Variants in LIPA observed in about 807,000 individuals in gnomAD.
The protein encoded by LIPA is lipase A, lysosomal acid type, also known as lysosomal acid lipase/cholesteryl ester hydrolase.
In LIPA, 26 loss-of-function variants were observed where a neutral mutation model predicts 40.6. The ratio of observed to expected loss-of-function variants is 0.64; its 90% CI spans 0.47 to 0.89. The LOEUF is 0.89. Among genes scored for constraint, LIPA ranks in the 40% least tolerant of loss-of-function variants. The pLI, the probability that LIPA is intolerant of heterozygous loss-of-function variation, is 0.00. For missense variants in LIPA, 455 were observed against 479.6 expected (o/e 0.95, Z 0.48); for synonymous variants, 188 against 168.4 (o/e 1.12, Z -0.90).
Position 89,396,616 on chromosome 10 carries a change from T to C in LIPA, c.61+16175A>G, listed in dbSNP as rs117890701. On this transcript the variant is annotated intron_variant, in intron 2 of 8. Coordinates refer to the LIPA transcript ENST00000371837. ...ATTCACGAGAGACCTACCTCTATGATCCAAACACATCCCACTAGACCCTAC... is the reference window on the plus strand; with the variant it reads ...ATTCACGAGAGACCTACCTCTATGACCCAAACACATCCCACTAGACCCTAC... Among the ~76,000 whole-genome samples the C allele has an allele frequency of 9.5e-3, 1,446 of 152,298 alleles. 12 individuals carry two copies. Among genetic ancestry groups the C allele is most frequent in the Middle Eastern group, 0.017 (5 of 294 alleles).
At chr10:89,285,527 G>T (rs1843337036) in intron 1 of LIPA, among the ~76,000 whole-genome samples, 1 of 152,134 alleles carries the variant, frequency 6.6e-6, no homozygotes, top group Non-Finnish European at 1.5e-5. Context: ...TTTCATTGGT[G>T]TCTGATCACC....
intron 3 of LIPA, among the ~76,000 whole-genome samples, chr10:89,245,129 A>T (rs2246942): frequency 6.6e-6 from 1 of 151,996 alleles, no homozygotes; most frequent in South Asian, 2.1e-4. Flanking sequence ...TAAAAAATTC[A>T]AAGAACAAAA....
intron 2 of LIPA, among the ~76,000 whole-genome samples, chr10:89,390,077 C>T (rs1844235274): frequency 6.6e-6 from 1 of 151,020 alleles, no homozygotes; most frequent in African/African-American, 2.4e-5. Flanking sequence ...ACCTCCACCT[C>T]CCGGGTTCAA....
intron 1 of LIPA, among the ~76,000 whole-genome samples, chr10:89,326,163 A>G (rs1308944789): frequency 6.6e-6 from 1 of 152,236 alleles, no homozygotes; most frequent in Non-Finnish European, 1.5e-5. Flanking sequence ...CACTATTCAC[A>G]ATAGCCAAGA....
chr10:89,405,237 C>T (rs370267848), intron 2 of LIPA: 2 of 152,092 alleles, frequency 1.3e-5, no homozygotes, highest in Admixed American at 6.5e-5. Context: ...TGAAGCACTA[C>T]TTACTAAGTC....
chr10:89,386,228 A>C (rs1844209445), intron 2 of LIPA, among the ~76,000 whole-genome samples: 1 of 152,150 alleles, frequency 6.6e-6, no homozygotes, highest in African/African-American at 2.4e-5. Context: ...TTTTCAAAAA[A>C]CTAGGGAGGC....
At chr10:89,284,880 T>C (rs370659411) in intron 1 of LIPA, among the ~76,000 whole-genome samples, 46 of 152,288 alleles carry the variant, frequency 3.0e-4, no homozygotes, top group African/African-American at 9.9e-4. Context: ...CTCCCAGCTC[T>C]TCCTGGCTCA....
intron 1 of LIPA, among the ~76,000 whole-genome samples, chr10:89,302,760 C>A (rs1564780419): frequency 6.6e-6 from 1 of 152,096 alleles, no homozygotes; most frequent in Admixed American, 6.5e-5. Flanking sequence ...CCTTCTATCC[C>A]CAAAACATGA....
intron 1 of LIPA, chr10:89,413,020 T>TC (rs1841488093): frequency 1.7e-5 from 3 of 174,584 alleles, no homozygotes; most frequent in Non-Finnish European, 3.7e-5. Context: ...CACCCCCAAC[T>TC]CCAACAAGCC....
chr10:89,248,442 A>ATATT (rs199626090), intron 1 of LIPA, among the ~76,000 whole-genome samples: 4,107 of 136,236 alleles, frequency 0.03, 90 homozygotes, highest in Non-Finnish European at 0.038. Flanking sequence ...TTATTATTTT[A>ATATT]TATTTATTTA....
intron 2 of LIPA, among the ~76,000 whole-genome samples, chr10:89,350,233 G>A (rs578038003): frequency 6.6e-6 from 1 of 152,092 alleles, no homozygotes; most frequent in Admixed American, 6.6e-5. Context: ...AGGAGGATAT[G>A]ATATTTATTA....
At chr10:89,343,625 A>G (rs1338959558), upstream of LIPA, among the ~76,000 whole-genome samples, 5 of 152,214 alleles carry the variant, frequency 3.3e-5, no homozygotes, top group Non-Finnish European at 5.9e-5. Flanking sequence ...CCGAGGCGCT[A>G]TACTTTGGGC....
intron 1 of LIPA, among the ~76,000 whole-genome samples, chr10:89,248,340 T>G (rs1461026570): frequency 6.6e-6 from 1 of 151,142 alleles, no homozygotes; most frequent in African/African-American, 2.4e-5. Flanking sequence ...TTTTGTATTT[T>G]TAGTAGAGAC....
chr10:89,340,252 G>C (rs1843842389), intron 1 of LIPA: 1 of 1,058,732 alleles, frequency 9.4e-7, no homozygotes, highest in Admixed American at 2.9e-5. Context: ...TTGCTCTAAG[G>C]TACATTTTTA....
At chr10:89,227,862 T>C (rs1417939920) in intron 4 of LIPA, among the ~76,000 whole-genome samples, 1 of 152,168 alleles carries the variant, frequency 6.6e-6, no homozygotes, top group East Asian at 1.9e-4. Context: ...GGATAATTTC[T>C]GGAAAGAAGA....
chr10:89,393,454 C>G, intron 2 of LIPA: 1 of 477,852 alleles, frequency 2.1e-6, no homozygotes, highest in Non-Finnish European at 3.3e-6. Flanking sequence ...TTACTTAGGC[C>G]GGGCAAGGGG....
intron 2 of LIPA, among the ~76,000 whole-genome samples, chr10:89,348,748 G>A (rs537503046): frequency 3.3e-5 from 5 of 152,194 alleles, no homozygotes; most frequent in East Asian, 1.9e-4. Flanking sequence ...CTCAGGGCCC[G>A]GTAGTGCCTG....
At chr10:89,411,612 T>C (rs1423746929) in intron 2 of LIPA, among the ~76,000 whole-genome samples, 1 of 152,216 alleles carries the variant, frequency 6.6e-6, no homozygotes, top group East Asian at 1.9e-4. Flanking sequence ...CTCAGACAGT[T>C]TGCATGAAAT....
At position 89,245,718 on chromosome 10, in the gene LIPA, G is replaced by T; in HGVS notation, c.187C>A (p.Leu63Ile). 1 of 1,604,756 alleles carries T rather than the reference G, an allele frequency of 6.2e-7. No individual in the cohort carries two copies. Among genetic ancestry groups the T allele is most frequent in the Non-Finnish European group, 8.5e-7 (1 of 1,171,572 alleles). ...VETEDGYILC[L>I]NRIPHGRKNH... ...TTCCTCCCATGAGGAATTCGGTTAA[G>T]GCACAGAATATATCCATCTTCTGTC... is the stretch of plus-strand genomic sequence containing the variant. The change falls in exon 3 of 10, where the codon CTT (leucine) becomes ATT (isoleucine). Residue 63 changes from leucine to isoleucine, a missense_variant. Coordinates refer to ENST00000336233, the MANE Select transcript of LIPA (RefSeq NM_000235.4).
Sources: allele counts gnomAD v4.1 joint callset (sites outside exome capture counted in the v4.1 genomes callset), GRCh38; gene constraint gnomAD v4.1.1; transcripts MANE v1.5; gene names NCBI Gene and HGNC (gene_info 2026-07-23, HGNC 2026-07-21).